CCDC102B: variants seen among roughly 807,000 people sequenced by gnomAD.
The protein encoded by CCDC102B is coiled-coil domain-containing protein 102B.
In CCDC102B, 75 loss-of-function variants were observed where a neutral mutation model predicts 57.4. The ratio of observed to expected loss-of-function variants is 1.31; its 90% CI spans 1.08 to 1.58. CCDC102B has a LOEUF of 1.58. CCDC102B is among the 40% of genes most tolerant of loss of function. The pLI is 0.00. For synonymous variants in CCDC102B, 206 were observed against 201.9 expected, an observed-to-expected ratio of 1.02 and a Z score of -0.17; for missense variants, 636 against 582.6, an observed-to-expected ratio of 1.09 and a Z score of -0.94.
rs1413503796 is a variant in CCDC102B at position 68,943,082 on chromosome 18, T to C, written c.1263+45654T>C. Among the ~76,000 whole-genome samples the C allele has an allele frequency of 1.9e-5, 2 of 103,682 alleles. 1 individual carries two copies. Among genetic ancestry groups the C allele is most frequent in the African/African-American group, 5.6e-5 (2 of 35,682 alleles). The allele number at this position is 103,682 out of a possible 152,430, so 68.0% of individuals were successfully genotyped here. On this transcript the variant is annotated intron_variant, in intron 6 of 7. Coordinates refer to ENST00000360242, the MANE Select transcript of CCDC102B (RefSeq NM_024781.3). The stretch of plus-strand genomic sequence containing the variant: ...TTAAGCCTTGAGTCCACACAGCACA[T>C]GTTTTTGCGAGCACAGGGTTGGGGG...
intron 7 of CCDC102B, among the ~76,000 whole-genome samples, chr18:69,040,108 T>A (rs2052393463): frequency 6.6e-6 from 1 of 151,858 alleles, no homozygotes; most frequent in African/African-American, 2.4e-5. Flanking sequence ...TAAAATGAAT[T>A]TATCTATTAC....
In CCDC102B at chr18:68,857,293, T is replaced by TTATAAA. The variant is rs1555714714; in HGVS notation, c.936+10876_936+10877insAATATA. Among the ~76,000 whole-genome samples the TTATAAA allele has an allele frequency of 5.0e-3, 23 of 4,562 alleles. 2 individuals are homozygous for TTATAAA. Among genetic ancestry groups the TTATAAA allele is most frequent in the African/African-American group, 9.8e-3 (22 of 2,254 alleles). The allele number at this position is 4,562 out of a possible 152,430, so 3.0% of individuals were successfully genotyped here. A position where few individuals can be genotyped will look rare whatever the true frequency, so the allele number is the denominator to read the frequency against. On this transcript the variant is annotated intron_variant, in intron 4 of 7. Transcript: ENST00000360242. The stretch of plus-strand genomic sequence containing the variant: ...TATATATATAATATATATTTATATA[T>TTATAAA]TATATATATAATATATATTTATATA...
chr18:68,915,695 G>A (rs2041047391), intron 6 of CCDC102B, among the ~76,000 whole-genome samples: 1 of 152,076 alleles, frequency 6.6e-6, no homozygotes, highest in Non-Finnish European at 1.5e-5. Context: ...TGCCATTTTT[G>A]CATCAGCCTA....
intron 6 of CCDC102B, among the ~76,000 whole-genome samples, chr18:68,916,310 A>G (rs4243306): frequency 0.92 from 140,364 of 152,192 alleles, 64,782 homozygotes; most frequent in East Asian, 0.98. Flanking sequence ...TAAAGAATGG[A>G]CACCTCTGGG....
intron 4 of CCDC102B, among the ~76,000 whole-genome samples, chr18:68,866,172 T>C (rs2038968066): frequency 6.6e-6 from 1 of 152,210 alleles, no homozygotes; most frequent in African/African-American, 2.4e-5. Flanking sequence ...AGCAATTGTG[T>C]ACGCATAACA....
chr18:68,917,167 C>T (rs184881010), intron 6 of CCDC102B, among the ~76,000 whole-genome samples: 182 of 148,066 alleles, frequency 1.2e-3, no homozygotes, highest in African/African-American at 3.4e-3. Context: ...TCTTGAAAAC[C>T]AGCATTTTTT....
chr18:68,868,536 A>T (rs191292451), intron 4 of CCDC102B, among the ~76,000 whole-genome samples: 54 of 152,234 alleles, frequency 3.5e-4, no homozygotes, highest in Admixed American at 1.2e-3. Flanking sequence ...TGGAATCTTA[A>T]CCTTGCTGTC....
chr18:69,015,959 A>G (rs1452305257), intron 7 of CCDC102B, among the ~76,000 whole-genome samples: 3 of 150,790 alleles, frequency 2.0e-5, no homozygotes, highest in Non-Finnish European at 4.4e-5. Context: ...TGTTCATGCC[A>G]TTCTCCTGCC....
At chr18:68,907,725 C>T (rs2040697725) in intron 6 of CCDC102B, among the ~76,000 whole-genome samples, 1 of 152,186 alleles carries the variant, frequency 6.6e-6, no homozygotes, top group African/African-American at 2.4e-5. Flanking sequence ...TATAAGATCA[C>T]GTTATCTTAC....
At chr18:68,755,495 A>G (rs1568233832) in intron 2 of CCDC102B, among the ~76,000 whole-genome samples, 1 of 152,174 alleles carries the variant, frequency 6.6e-6, no homozygotes, top group Non-Finnish European at 1.5e-5. Flanking sequence ...TTCTGCTGTA[A>G]TAATTTTATT....
chr18:68,840,611 A>G (rs2144798461), intron 3 of CCDC102B, among the ~76,000 whole-genome samples: 1 of 152,326 alleles, frequency 6.6e-6, no homozygotes, highest in South Asian at 2.1e-4. Context: ...TGACAATTTT[A>G]TCTAGCCCTA....
intron 5 of CCDC102B, among the ~76,000 whole-genome samples, chr18:68,879,644 A>G (rs2039601575): frequency 6.6e-6 from 1 of 152,146 alleles, no homozygotes; most frequent in Non-Finnish European, 1.5e-5. Context: ...AGATAGACAC[A>G]GGGCGCTGAT....
chr18:68,841,078 G>A (rs1249850507), intron 3 of CCDC102B, among the ~76,000 whole-genome samples: 1 of 152,208 alleles, frequency 6.6e-6, no homozygotes, highest in Non-Finnish European at 1.5e-5. Flanking sequence ...CAATCCGCAT[G>A]AGGCAATCAG....
Position 68,837,277 on chromosome 18 carries a change from G to T in CCDC102B, c.514G>T (p.Asp172Tyr). The stretch of plus-strand genomic sequence containing the variant: ...CGTAGAAGAATCCTGTGAACATACA[G>T]ACCAATTTCAATTGAGTTCACAAAT... ...GFVEESCEHTDQFQLSSQMHE... is the reference protein window; with the variant it reads ...GFVEESCEHTYQFQLSSQMHE... The change falls in exon 2 of 8, where the codon GAC (aspartate) becomes TAC (tyrosine). Residue 172 changes from aspartate to tyrosine, a missense_variant. Physicochemically the swap from Asp to Tyr is radical, Grantham distance 160. Coordinates refer to ENST00000360242, the MANE Select transcript of CCDC102B (RefSeq NM_024781.3). 1 of 1,614,054 alleles carries T rather than the reference G, an allele frequency of 6.2e-7. No homozygotes were observed. The highest frequency in any genetic ancestry group is 8.5e-7 in the Non-Finnish European group (1 of 1,179,984).
At chr18:68,920,492 T>G (rs2145105983) in intron 6 of CCDC102B, among the ~76,000 whole-genome samples, 1 of 152,216 alleles carries the variant, frequency 6.6e-6, no homozygotes, top group South Asian at 2.1e-4. Flanking sequence ...TACCTGAGAC[T>G]GGGAAGAAAA....
intron 1 of CCDC102B, among the ~76,000 whole-genome samples, chr18:68,816,393 G>T (rs575717602): frequency 6.6e-6 from 1 of 151,080 alleles, no homozygotes; most frequent in African/African-American, 2.4e-5. Context: ...ACTTCTCCAA[G>T]ATCTCACACC....
chr18:69,052,112 A>C (rs1488109547), intron 7 of CCDC102B, among the ~76,000 whole-genome samples: 2 of 151,980 alleles, frequency 1.3e-5, no homozygotes, highest in African/African-American at 4.8e-5. Context: ...CAACAAAGGA[A>C]TAGTATGAAC....
chr18:68,966,494 G>T (rs1025178347), intron 6 of CCDC102B, among the ~76,000 whole-genome samples: 1 of 152,142 alleles, frequency 6.6e-6, no homozygotes, highest in African/African-American at 2.4e-5. Context: ...CCCTGTGTGT[G>T]TGGGACTCTT....
chr18:69,019,102 G>A (rs1298160645), intron 7 of CCDC102B, among the ~76,000 whole-genome samples: 1 of 151,950 alleles, frequency 6.6e-6, no homozygotes, highest in Admixed American at 6.5e-5. Flanking sequence ...TTGTTTTTAT[G>A]CTGATGCCAT....
Sources: gnomAD v4.1 joint callset for allele counts (sites outside exome capture counted in the v4.1 genomes callset) on GRCh38, gnomAD v4.1.1 for gene constraint, MANE v1.5 for transcripts, NCBI Gene and HGNC (gene_info 2026-07-23, HGNC 2026-07-21) for gene names.